ATCAY: variants seen among roughly 807,000 people sequenced by gnomAD.
The protein encoded by ATCAY is ATCAY kinesin light chain interacting caytaxin, also known as caytaxin.
A neutral mutation model predicts 47.7 loss-of-function variants in ATCAY; 22 were observed. The observed-to-expected ratio is 0.46, with a 90% CI of 0.33 to 0.66. The LOEUF is 0.66. Among genes scored for constraint, ATCAY ranks in the 30% least tolerant of loss-of-function variants. The pLI is 0.02. For missense variants in ATCAY, 452 were observed against 515.0 expected (o/e 0.88, Z 1.18); for synonymous variants, 216 against 207.6 (o/e 1.04, Z -0.35).
intron 2 of ATCAY, among the ~76,000 whole-genome samples, chr19:3,893,166 C>G (rs1240471675): frequency 3.8e-5 from 5 of 132,342 alleles, no homozygotes; most frequent in Non-Finnish European, 4.8e-5. Context: ...TGGGGGGGAC[C>G]CCCACTTTTT....
chr19:3,899,597 G>T (rs2038798156), intron 2 of ATCAY, among the ~76,000 whole-genome samples: 1 of 152,134 alleles, frequency 6.6e-6, no homozygotes, highest in African/African-American at 2.4e-5. Flanking sequence ...TTACAGGCAT[G>T]AGCCACCACG....
rs553283509 is a variant in ATCAY, at chr19:3,926,479, C to A, written c.*1887C>A. ...TGGTTGACCTCTCAGCAAGTGCTAT[C>A]CAGGCTGGGCCAACCAGACCCACAA... On this transcript the variant is annotated 3_prime_UTR_variant, in exon 13 of 13. Transcript: ENST00000450849. 6.6e-6 allele frequency: 1 copy of A among 152,212 alleles called. No homozygotes were observed. The highest frequency in any genetic ancestry group is 2.4e-5 in the African/African-American group (1 of 41,442). 9.4% of individuals were successfully genotyped at this position (152,212 alleles called of 1,614,324 possible). A position where few individuals can be genotyped will look rare whatever the true frequency, so the allele number is the denominator to read the frequency against.
chr19:3,889,084 A>G (rs2038690717), intron 2 of ATCAY, among the ~76,000 whole-genome samples: 1 of 152,158 alleles, frequency 6.6e-6, no homozygotes, highest in Non-Finnish European at 1.5e-5. Flanking sequence ...AGCCTGGGCA[A>G]CATAGCAAGA....
chr19:3,900,534 TTTTG>T (rs1003761086), intron 2 of ATCAY, among the ~76,000 whole-genome samples: 3 of 152,002 alleles, frequency 2.0e-5, no homozygotes, highest in African/African-American at 7.2e-5. Context: ...CCCTTGATAG[TTTTG>T]TTTGTTTGTT....
intron 3 of ATCAY, among the ~76,000 whole-genome samples, chr19:3,904,509 C>T (rs894112160): frequency 4.6e-5 from 7 of 152,202 alleles, no homozygotes; most frequent in Admixed American, 2.6e-4. Context: ...CTTCCCTAGG[C>T]GTCCCGCCTG....
Position 3,913,788 on chromosome 19 carries a change from G to A in ATCAY, c.897G>A (p.Val299=), listed in dbSNP as rs749255404. The change falls in exon 9 of 13, where the codon GTG becomes GTA. Residue 299 remains valine, a synonymous_variant. Coordinates refer to ENST00000450849, the MANE Select transcript of ATCAY (RefSeq NM_033064.5). ...SVKFINKIQY[V]HSLEDLEQLI... ...AGTTCATCAACAAGATCCAGTACGT[G>A]CACAGCTTGGAAGACCTGGAGCAAC... 6.2e-7 allele frequency: 1 copy of A among 1,613,818 alleles called. No homozygotes were observed. The highest frequency in any genetic ancestry group is 8.5e-7 in the Non-Finnish European group (1 of 1,179,866).
Position 3,917,762 on chromosome 19 carries a change from A to G in ATCAY, c.986A>G (p.Lys329Arg), listed in dbSNP as rs372049992. Reference sequence around the variant, plus strand: ...TTCAGATACGAAGAGGAAAGACTGAAGGCCAGGAGGGAGAGGTGTGTGCAG... The same window carrying G: ...TTCAGATACGAAGAGGAAAGACTGAGGGCCAGGAGGGAGAGGTGTGTGCAG... The part of the protein sequence containing the change: ...CVLQYEEERL[K>R]ARRESARPQP... The change falls in exon 10 of 13, where the codon AAG becomes AGG. Residue 329 changes from lysine to arginine, a missense_variant. Lys to Arg is a conservative substitution (Grantham distance 26, BLOSUM62 2). Coordinates refer to ENST00000450849, the MANE Select transcript of ATCAY (RefSeq NM_033064.5). 8 of 1,613,342 alleles carry G rather than the reference A, an allele frequency of 5.0e-6. No individual in the cohort carries two copies. The highest frequency in any genetic ancestry group is 6.8e-6 in the Non-Finnish European group (8 of 1,179,756).
At chr19:3,895,716 C>CTTTTTTTTTTTTTT (rs537910730) in intron 2 of ATCAY, among the ~76,000 whole-genome samples, 37 of 129,650 alleles carry the variant, frequency 2.9e-4, no homozygotes, top group Non-Finnish European at 3.8e-4. Context: ...CTTTTCTTTT[C>CTTTTTTTTTTTTTT]TTTTTTTTTT....
intron 2 of ATCAY, among the ~76,000 whole-genome samples, chr19:3,888,978 A>G (rs752128943): frequency 3.9e-5 from 6 of 152,162 alleles, no homozygotes; most frequent in Non-Finnish European, 8.8e-5. Flanking sequence ...GCCGAGAATC[A>G]GAGAATCACG....
chr19:3,886,773 G>C (rs886795000), intron 2 of ATCAY, among the ~76,000 whole-genome samples: 1 of 148,236 alleles, frequency 6.7e-6, no homozygotes, highest in Non-Finnish European at 1.5e-5. Context: ...GAGTGCAGTG[G>C]CACGATCTCA....
chr19:3,920,976 C>A, intron 12 of ATCAY, 178 bp downstream of exon 12: 1 of 728,940 alleles, frequency 1.4e-6, no homozygotes, highest in Non-Finnish European at 2.4e-6. Flanking sequence ...GGGGATACGG[C>A]ACCGGGAAGG....
intron 3 of ATCAY, 113 bp downstream of exon 3, chr19:3,902,658 G>A (rs2038825273): frequency 1.7e-6 from 2 of 1,196,394 alleles, no homozygotes; most frequent in Non-Finnish European, 2.4e-6. Context: ...TGGGTAGAAT[G>A]TTCTGTCCTG....
chr19:3,881,476 C>A (rs1467683548), intron 1 of ATCAY, among the ~76,000 whole-genome samples: 1 of 147,196 alleles, frequency 6.8e-6, no homozygotes, highest in Non-Finnish European at 1.5e-5. Flanking sequence ...GACACAGATG[C>A]CTCCTCCTTA....
chr19:3,885,579 G>A (rs964826572), intron 1 of ATCAY, 148 bp from the exon 2 acceptor site: 15 of 555,414 alleles, frequency 2.7e-5, no homozygotes, highest in Non-Finnish European at 4.1e-5. Context: ...GAAGGAGAAG[G>A]AGAGAGGAGA....
intron 3 of ATCAY, among the ~76,000 whole-genome samples, chr19:3,904,341 A>C (rs2038841768): frequency 6.6e-6 from 1 of 152,182 alleles, no homozygotes; most frequent in Non-Finnish European, 1.5e-5. Flanking sequence ...TAAATACATA[A>C]ATAAAACAAA....
intron 2 of ATCAY, among the ~76,000 whole-genome samples, chr19:3,894,532 T>C (rs2038748014): frequency 7.1e-6 from 1 of 141,748 alleles, no homozygotes; most frequent in African/African-American, 2.7e-5. Flanking sequence ...TGTGTGCTGG[T>C]AGTCCCAGCT....
chr19:3,889,521 T>C (rs933884345), intron 2 of ATCAY, among the ~76,000 whole-genome samples: 2 of 152,082 alleles, frequency 1.3e-5, no homozygotes, highest in Non-Finnish European at 2.9e-5. Flanking sequence ...TGTTTGGACT[T>C]GGGACATCGC....
chr19:3,922,234 T>C lies in ATCAY; in HGVS notation c.1106+1436T>C, dbSNP rs1188048244. ...CCCTAAGTCACGTTGTGAGTGTTAT[T>C]AGTCCATTCTCATGCTGCTATGAAG... On this transcript the variant is annotated intron_variant, in intron 12 of 12. Coordinates refer to ENST00000450849, the MANE Select transcript of ATCAY (RefSeq NM_033064.5). The C allele has an allele frequency of 5.7e-6, 4 of 700,818 alleles. No individual in the cohort carries two copies. The South Asian group carries it at 5.9e-5, about 10-fold the overall frequency. The allele number at this position is 700,818 out of a possible 1,614,324, so 43.4% of individuals were successfully genotyped here.
In ATCAY at chr19:3,924,805, G is replaced by A. The variant is rs946446277; in HGVS notation, c.*213G>A. 17 of 560,038 alleles carry A rather than the reference G, an allele frequency of 3.0e-5. No homozygotes were observed. Among genetic ancestry groups the A allele is most frequent in the Admixed American group, 6.3e-5 (2 of 31,948 alleles). 34.7% of individuals were successfully genotyped at this position (560,038 alleles called of 1,614,324 possible). On this transcript the variant is annotated 3_prime_UTR_variant, in exon 13 of 13. Transcript: ENST00000450849. ...TTTTTTAACGATGCAGTATTTGTGC[G>A]TTCCAGAAAAGGGCCCAGCTCTGAG...
Sources: allele counts gnomAD v4.1 joint callset (sites outside exome capture counted in the v4.1 genomes callset), GRCh38; gene constraint gnomAD v4.1.1; transcripts MANE v1.5; gene names NCBI Gene and HGNC (gene_info 2026-07-23, HGNC 2026-07-21).